The following GRK5 variants were observed in gnomAD, a reference collection of about 807,000 sequenced individuals.
GRK5 encodes G protein-coupled receptor kinase 5.
Under a neutral mutation model 78.4 loss-of-function variants are expected in GRK5, and 40 were observed. The observed-to-expected ratio is 0.51, with a 90% CI of 0.40 to 0.66. The LOEUF is 0.66. Among genes scored for constraint, GRK5 ranks in the 30% least tolerant of loss-of-function variants. The pLI is 0.00. For synonymous variants in GRK5, 289 were observed against 296.8 expected (o/e 0.97, Z 0.27); for missense variants, 598 against 759.9 (o/e 0.79, Z 2.50).
intron 1 of GRK5, among the ~76,000 whole-genome samples, chr10:119,258,057 C>G (rs1455702607): frequency 1.3e-5 from 2 of 152,186 alleles, no homozygotes; most frequent in African/African-American, 2.4e-5. Context: ...TGTCATGTAA[C>G]TACCACCACA....
rs1215700523 is a variant in GRK5, at chr10:119,456,574, C to T, written c.*1507C>T. On this transcript the variant is annotated 3_prime_UTR_variant, in exon 16 of 16. Coordinates refer to ENST00000392870, the MANE Select transcript of GRK5 (RefSeq NM_005308.3). The surrounding 1 kb of genome is among the most constrained non-coding windows in gnomAD (Gnocchi z 5.5). ...CCCTGCCCGGCTGAGTCCCTGATGT[C>T]TGACTGTGCCACCCAGCAGCTGCCA... 1 of 152,312 alleles carries T rather than the reference C, an allele frequency of 6.6e-6. No individual in the cohort carries two copies. Among genetic ancestry groups the T allele is most frequent in the Non-Finnish European group, 1.5e-5 (1 of 68,088 alleles). 9.4% of individuals were successfully genotyped at this position (152,312 alleles called of 1,614,324 possible). A position where few individuals can be genotyped will look rare whatever the true frequency, so the allele number is the denominator to read the frequency against.
Position 119,240,189 on chromosome 10 carries a change from CTTTTTTT to C in GRK5, c.52+32243_52+32249del, listed in dbSNP as rs55905745. On this transcript the variant is annotated intron_variant, in intron 1 of 15. Transcript: ENST00000392870. ...ATCCTCTCCAGCATCTGTTTCCCGA[CTTTTTTT>C]TTTTTTTTTTTTTTTTTTTTTTGAG... Among the ~76,000 whole-genome samples, 112 of 70,074 alleles carry C rather than the reference CTTTTTTT, an allele frequency of 1.6e-3. 1 individual carries two copies. Among genetic ancestry groups the C allele is most frequent in the African/African-American group, 5.9e-3 (95 of 16,190 alleles). The allele number at this position is 70,074 out of a possible 152,430, so 46.0% of individuals were successfully genotyped here. A position where few individuals can be genotyped will look rare whatever the true frequency, so the allele number is the denominator to read the frequency against.
chr10:119,209,275 G>A (rs946939905), intron 1 of GRK5, among the ~76,000 whole-genome samples: 2 of 152,106 alleles, frequency 1.3e-5, no homozygotes, highest in African/African-American at 4.8e-5. Context: ...TCTTACTTTC[G>A]TCGTCACTTG....
At chr10:119,453,300 T>C in intron 15 of GRK5, 24 bp downstream of exon 15, 1 of 1,612,964 alleles carries the variant, frequency 6.2e-7, no homozygotes, top group Non-Finnish European at 8.5e-7. Context: ...GCCTGGCCAG[T>C]CCTGGCATCA....
intron 1 of GRK5, among the ~76,000 whole-genome samples, chr10:119,303,588 T>G (rs1226790477): frequency 6.6e-6 from 1 of 152,220 alleles, no homozygotes; most frequent in Non-Finnish European, 1.5e-5. Flanking sequence ...GACTTGATTC[T>G]AAACCTGTTG....
chr10:119,268,675 T>C (rs905958297), intron 1 of GRK5, among the ~76,000 whole-genome samples: 5 of 152,254 alleles, frequency 3.3e-5, no homozygotes, highest in Middle Eastern at 3.2e-3. Context: ...AAGTGTTTGC[T>C]GTTGCAGTAG....
intron 1 of GRK5, among the ~76,000 whole-genome samples, chr10:119,313,301 G>A (rs1234540373): frequency 1.3e-5 from 2 of 150,972 alleles, no homozygotes; most frequent in East Asian, 1.9e-4. Context: ...TAATGGTGGT[G>A]GTGATGATGG....
intron 1 of GRK5, among the ~76,000 whole-genome samples, chr10:119,297,916 G>C (rs1319938049): frequency 6.6e-6 from 1 of 152,208 alleles, no homozygotes; most frequent in African/African-American, 2.4e-5. Context: ...CTAACCTTAT[G>C]ATCTCTGAGC....
At chr10:119,395,319 C>A (rs994954904) in intron 3 of GRK5, among the ~76,000 whole-genome samples, 1 of 152,216 alleles carries the variant, frequency 6.6e-6, no homozygotes, top group African/African-American at 2.4e-5. Context: ...TGGAAACGAG[C>A]CTGGCTGCCT....
intron 1 of GRK5, among the ~76,000 whole-genome samples, chr10:119,263,812 C>T (rs1849450866): frequency 1.3e-5 from 2 of 152,116 alleles, no homozygotes; most frequent in South Asian, 4.1e-4. Flanking sequence ...TGTATAGTCC[C>T]AGCTACTCAG....
At chr10:119,366,516 A>C (rs1464153704) in intron 2 of GRK5, among the ~76,000 whole-genome samples, 2 of 152,046 alleles carry the variant, frequency 1.3e-5, no homozygotes, top group African/African-American at 2.4e-5. Context: ...GGGGGCAGCT[A>C]CTCGGCTCAG....
At chr10:119,337,462 G>T (rs766517145) in intron 2 of GRK5, among the ~76,000 whole-genome samples, 5 of 152,154 alleles carry the variant, frequency 3.3e-5, no homozygotes, top group Admixed American at 6.5e-5. Context: ...CTGAAGGCTG[G>T]GAGGGAGAAG....
intron 1 of GRK5, among the ~76,000 whole-genome samples, chr10:119,230,896 C>T (rs889218726): frequency 1.5e-4 from 23 of 150,038 alleles, no homozygotes; most frequent in African/African-American, 4.7e-4. Flanking sequence ...CAAAAACTAC[C>T]TGTACTTGAA....
intron 2 of GRK5, among the ~76,000 whole-genome samples, chr10:119,338,431 G>A (rs960071927): frequency 2.0e-5 from 3 of 152,306 alleles, no homozygotes; most frequent in Non-Finnish European, 2.9e-5. Context: ...CATAGTTAAC[G>A]CCTTCATGTA....
At chr10:119,411,032 G>A (rs1336746203) in intron 4 of GRK5, among the ~76,000 whole-genome samples, 1 of 151,568 alleles carries the variant, frequency 6.6e-6, no homozygotes, top group Non-Finnish European at 1.5e-5. Context: ...GCACAGAATG[G>A]GCACTCAGGG....
intron 2 of GRK5, among the ~76,000 whole-genome samples, chr10:119,366,725 CAG>C (rs1564907090): frequency 6.6e-6 from 1 of 152,134 alleles, no homozygotes; most frequent in Non-Finnish European, 1.5e-5. Context: ...ATCTAGGTGA[CAG>C]GGGTGCCTCC....
At chr10:119,423,328 T>G in intron 5 of GRK5, 62 bp downstream of exon 5, 4 of 1,152,878 alleles carry the variant, frequency 3.5e-6, no homozygotes, top group Non-Finnish European at 5.2e-6. Context: ...ATGCCGCAGC[T>G]CTCCACCTGA....
intron 3 of GRK5, among the ~76,000 whole-genome samples, chr10:119,386,795 T>C (rs1342133981): frequency 6.6e-6 from 1 of 152,240 alleles, no homozygotes; most frequent in Non-Finnish European, 1.5e-5. Flanking sequence ...ATCCGTTTTT[T>C]CTTCCATCCT....
intron 1 of GRK5, among the ~76,000 whole-genome samples, chr10:119,247,182 A>G (rs956599307): frequency 6.6e-6 from 1 of 152,236 alleles, no homozygotes; most frequent in Admixed American, 6.5e-5. Context: ...CTCTGAGAAC[A>G]TTCCATTAGA....
Sources: allele counts gnomAD v4.1 joint callset (sites outside exome capture counted in the v4.1 genomes callset), GRCh38; gene constraint gnomAD v4.1.1; non-coding constraint Gnocchi (gnomAD v3.1); transcripts MANE v1.5; gene names NCBI Gene and HGNC (gene_info 2026-07-23, HGNC 2026-07-21).